The following ST18 variants were observed in gnomAD, a reference collection of about 807,000 sequenced individuals.
The protein encoded by ST18 is ST18 C2H2C-type zinc finger transcription factor.
Under a neutral mutation model 110.0 loss-of-function variants are expected in ST18, and 50 were observed. The observed-to-expected ratio is 0.45, with a 90% CI of 0.36 to 0.58. The LOEUF (loss-of-function observed/expected upper bound fraction) is 0.58. Ranked by LOEUF, ST18 falls within the 20% of genes least tolerant of loss-of-function variation. The pLI is 0.00. For missense variants in ST18, 1,306 were observed against 1,280.1 expected, an observed-to-expected ratio of 1.02 and a Z score of -0.31; for synonymous variants, 461 against 452.4, an observed-to-expected ratio of 1.02 and a Z score of -0.24.
chr8:52,365,244 T>C (rs12674582), intron 2 of ST18, among the ~76,000 whole-genome samples: 116,231 of 152,124 alleles, frequency 0.76, 48,945 homozygotes, highest in Non-Finnish European at 0.93. Flanking sequence ...GAATGTCAAA[T>C]GATTTCTTCT....
In ST18 at chr8:52,161,578, G is replaced by T. The variant is rs766170254; in HGVS notation, c.1401-10C>A. On this transcript the variant is annotated splice_polypyrimidine_tract_variant and intron_variant, in intron 13 of 25. Coordinates refer to ENST00000689386, the MANE Select transcript of ST18 (RefSeq NM_001352837.2). ...CTTCACCAAACTTGTCCTGGAGAGG[G>T]GGGTGAAGCAGTTCAAAAGAAATAC... 3 of 1,613,336 alleles carry T rather than the reference G, an allele frequency of 1.9e-6. No homozygotes were observed. Among genetic ancestry groups the T allele is most frequent in the African/African-American group, 2.7e-5 (2 of 74,942 alleles).
chr8:52,209,787 AAATAT>A (rs1400271067), intron 8 of ST18, among the ~76,000 whole-genome samples: 34 of 135,600 alleles, frequency 2.5e-4, no homozygotes, highest in African/African-American at 9.2e-4. Flanking sequence ...AAAAAAAAAA[AAATAT>A]ATATATATAT....
chr8:52,182,624 C>A (rs2070229754), intron 8 of ST18, among the ~76,000 whole-genome samples: 1 of 151,868 alleles, frequency 6.6e-6, no homozygotes, highest in South Asian at 2.1e-4. Flanking sequence ...ATGGTGGTTG[C>A]CGGGGGATGA....
In ST18 at chr8:52,149,659, T is replaced by C. The variant is rs2058281446; in HGVS notation, c.2052+73A>G. 14 of 1,528,510 alleles carry C rather than the reference T, an allele frequency of 9.2e-6. No homozygotes were observed. In the East Asian group the frequency reaches 2.7e-4, roughly 30 times the overall value. 94.7% of individuals were successfully genotyped at this position (1,528,510 alleles called of 1,614,324 possible). On this transcript the variant is annotated intron_variant, in intron 16 of 25. Coordinates refer to ENST00000689386, the MANE Select transcript of ST18 (RefSeq NM_001352837.2). Reference sequence around the variant, plus strand: ...CTAAACAGGAATGTGAAATATAATTTAGGAGGGAAAAGCTAGTGATACCCT... The same window carrying C: ...CTAAACAGGAATGTGAAATATAATTCAGGAGGGAAAAGCTAGTGATACCCT...
chr8:52,158,578 G>A (rs533065349), intron 15 of ST18, among the ~76,000 whole-genome samples: 1 of 152,144 alleles, frequency 6.6e-6, no homozygotes, highest in Non-Finnish European at 1.5e-5. Flanking sequence ...CTTTTCTTGT[G>A]TGCCAAATTC....
Position 52,172,595 on chromosome 8 carries a change from G to A in ST18, c.278-12C>T. 2 of 1,538,350 alleles carry A rather than the reference G, an allele frequency of 1.3e-6. No homozygotes were observed. The highest frequency in any genetic ancestry group is 8.7e-7 in the Non-Finnish European group (1 of 1,148,244). ...TATCATGATTTCCTCTATGGAAAAAGAAAACCAATATTTGAAGAGCAAGAA... is the reference window on the plus strand; with the variant it reads ...TATCATGATTTCCTCTATGGAAAAAAAAAACCAATATTTGAAGAGCAAGAA... On this transcript the variant is annotated splice_polypyrimidine_tract_variant and intron_variant, in intron 9 of 25. Transcript: ENST00000689386.
chr8:52,400,794 C>T (rs1055137316), intron 2 of ST18, among the ~76,000 whole-genome samples: 10 of 152,036 alleles, frequency 6.6e-5, no homozygotes, highest in Admixed American at 6.5e-4. Flanking sequence ...CTTAATGTAG[C>T]CACAGTTATT....
In ST18 at chr8:52,314,995, G is replaced by A. The variant is rs149664356; in HGVS notation, c.-464-84918C>T. On this transcript the variant is annotated intron_variant, in intron 2 of 25. Transcript: ENST00000689386. ...ATGAACCCTGGCCCCCACTGGAGATGGTGTGGCTTCAAATCACTCTTCATA... is the reference window on the plus strand; with the variant it reads ...ATGAACCCTGGCCCCCACTGGAGATAGTGTGGCTTCAAATCACTCTTCATA... 1.2e-3 allele frequency among the ~76,000 whole-genome samples: 183 copies of A among 152,322 alleles called. 1 individual carries two copies. The highest frequency in any genetic ancestry group is 3.6e-3 in the African/African-American group (150 of 41,578).
At chr8:52,133,514 T>G (rs184682994) in intron 19 of ST18, among the ~76,000 whole-genome samples, 1 of 152,112 alleles carries the variant, frequency 6.6e-6, no homozygotes, top group Non-Finnish European at 1.5e-5. Flanking sequence ...AATTATCTTT[T>G]GGTTAATAAT....
At chr8:52,284,372 C>A (rs2095434653) in intron 2 of ST18, among the ~76,000 whole-genome samples, 1 of 152,188 alleles carries the variant, frequency 6.6e-6, no homozygotes, top group Non-Finnish European at 1.5e-5. Context: ...ATCTCTGACA[C>A]AGCTTCTATG....
At chr8:52,234,817 AC>A (rs1294723071) in intron 2 of ST18, among the ~76,000 whole-genome samples, 1 of 151,680 alleles carries the variant, frequency 6.6e-6, no homozygotes, top group African/African-American at 2.4e-5. Flanking sequence ...ATTCTCAGCA[AC>A]CTGGATGGGG....
At chr8:52,249,189 CAACAAT>C (rs2094096805) in intron 2 of ST18, among the ~76,000 whole-genome samples, 1 of 152,110 alleles carries the variant, frequency 6.6e-6, no homozygotes, top group East Asian at 1.9e-4. Flanking sequence ...CAAAACAAAA[CAACAAT>C]AACAACAAAA....
chr8:52,278,749 A>G (rs1169547418), intron 2 of ST18, among the ~76,000 whole-genome samples: 1 of 152,232 alleles, frequency 6.6e-6, no homozygotes, highest in Non-Finnish European at 1.5e-5. Flanking sequence ...CTACCTAGAT[A>G]TGCAGAGTAA....
At chr8:52,177,271 G>A (rs1441778640) in intron 9 of ST18, among the ~76,000 whole-genome samples, 3 of 152,204 alleles carry the variant, frequency 2.0e-5, no homozygotes, top group African/African-American at 7.2e-5. Context: ...ACGGCAACCT[G>A]TATCTTTTTG....
chr8:52,371,324 A>G (rs2140620695), intron 2 of ST18, among the ~76,000 whole-genome samples: 1 of 152,390 alleles, frequency 6.6e-6, no homozygotes, highest in African/African-American at 2.4e-5. Context: ...TGGCATATAG[A>G]AAGTGGCCAA....
At chr8:52,272,730 C>T (rs2095117064) in intron 2 of ST18, among the ~76,000 whole-genome samples, 1 of 152,112 alleles carries the variant, frequency 6.6e-6, no homozygotes, top group African/African-American at 2.4e-5. Flanking sequence ...GGTATATATC[C>T]AGAGGAATTA....
chr8:52,152,641 A>G (rs574035349), intron 15 of ST18, among the ~76,000 whole-genome samples: 2 of 152,344 alleles, frequency 1.3e-5, no homozygotes, highest in East Asian at 3.9e-4. Context: ...TATTCTAGGG[A>G]AAGTAAAATT....
At chr8:52,259,761 C>G (rs1589392453) in intron 2 of ST18, among the ~76,000 whole-genome samples, 1 of 152,176 alleles carries the variant, frequency 6.6e-6, no homozygotes, top group Non-Finnish European at 1.5e-5. Flanking sequence ...AGAATTCAGA[C>G]TCAGATGGTT....
intron 16 of ST18, among the ~76,000 whole-genome samples, chr8:52,144,763 A>C (rs186620380): frequency 6.6e-6 from 1 of 152,276 alleles, no homozygotes; most frequent in Admixed American, 6.5e-5. Context: ...CTAGGATGCA[A>C]AGAGAAGTGC....
Sources: gnomAD v4.1 joint callset for allele counts (sites outside exome capture counted in the v4.1 genomes callset) on GRCh38, gnomAD v4.1.1 for gene constraint, MANE v1.5 for transcripts, NCBI Gene and HGNC (gene_info 2026-07-23, HGNC 2026-07-21) for gene names.